CAST: variants seen among roughly 807,000 people sequenced by gnomAD.
CAST encodes calpastatin.
CAST carries 76 observed loss-of-function variants against 119.6 expected under a neutral mutation model. The observed-to-expected ratio is 0.64, with a 90% CI of 0.53 to 0.77. The LOEUF (loss-of-function observed/expected upper bound fraction) is 0.77, where lower values mean the gene tolerates loss of function less well. CAST is among the 30% of genes least tolerant of loss of function. The probability of loss-of-function intolerance (pLI) is 0.00; values close to 1 mark genes in which losing one functional copy is unlikely to be tolerated. For synonymous variants in CAST, 319 were observed against 331.6 expected, an observed-to-expected ratio of 0.96 and a Z score of 0.41; for missense variants, 953 against 946.5, an observed-to-expected ratio of 1.01 and a Z score of -0.09.
the CAST span, among the ~76,000 whole-genome samples, chr5:96,334,264 T>C: frequency 6.6e-5 from 10 of 152,210 alleles, no homozygotes; most frequent in Non-Finnish European, 1.5e-5. Context: ...GATTGCTCAG[T>C]GCAGAAAATT....
At chr5:96,771,966 C>G (rs1263413738) in intron 31 of CAST, 1 of 276,304 alleles carries the variant, frequency 3.6e-6, no homozygotes, top group East Asian at 6.7e-5. Flanking sequence ...CTTAGAATGA[C>G]CATCTGAGGC....
the CAST span, among the ~76,000 whole-genome samples, chr5:96,441,569 G>A: frequency 7.2e-5 from 11 of 152,028 alleles, no homozygotes; most frequent in Non-Finnish European, 1.3e-4. Flanking sequence ...GGGTTTAAGG[G>A]CTCTGGGAAG....
At chr5:96,672,941 A>C (rs1408805645) in intron 1 of CAST, among the ~76,000 whole-genome samples, 1 of 152,282 alleles carries the variant, frequency 6.6e-6, no homozygotes, top group South Asian at 2.1e-4. Flanking sequence ...AAGGCTGTAC[A>C]TGCATTTACT....
At chr5:96,598,702 G>A (rs1747095287) in intron 1 of CAST, among the ~76,000 whole-genome samples, 1 of 152,216 alleles carries the variant, frequency 6.6e-6, no homozygotes, top group Admixed American at 6.5e-5. Context: ...TTCTGGGTGT[G>A]TTTGTGAGGG....
chr5:96,748,227 A>C (rs1764192739), intron 18 of CAST, among the ~76,000 whole-genome samples: 1 of 152,244 alleles, frequency 6.6e-6, no homozygotes, highest in Non-Finnish European at 1.5e-5. Context: ...ATTGTAGAGA[A>C]CAGGCAATTT....
intron 22 of CAST, 33 bp downstream of exon 22, chr5:96,754,774 T>C (rs569865216): frequency 8.2e-7 from 1 of 1,215,234 alleles, no homozygotes; most frequent in South Asian, 1.2e-5. Context: ...CTATTTTATT[T>C]TAATTCATAC....
chr5:96,386,177 T>A, the CAST span, among the ~76,000 whole-genome samples: 1 of 151,960 alleles, frequency 6.6e-6, no homozygotes, highest in Non-Finnish European at 1.5e-5. Flanking sequence ...GCTTTAGAAA[T>A]TTTTTTTTGT....
intron 1 of CAST, among the ~76,000 whole-genome samples, chr5:96,633,083 T>G (rs1175257135): frequency 6.6e-6 from 1 of 152,200 alleles, no homozygotes; most frequent in East Asian, 1.9e-4. Flanking sequence ...GTGATTCTCC[T>G]GCCTCAGCCT....
the CAST span, chr5:96,433,214 G>GC: frequency 3.0e-6 from 2 of 672,698 alleles, no homozygotes; most frequent in Non-Finnish European, 5.3e-6. Context: ...GCGGCGGCGA[G>GC]CGCTCAGTGA....
At chr5:96,215,511 G>A in the CAST span, 1 of 152,038 alleles carries the variant, frequency 6.6e-6, no homozygotes, top group African/African-American at 2.4e-5. Context: ...TAATCTGTTG[G>A]TGTATATTTT....
In CAST at chr5:96,558,627, C is replaced by T. The variant is rs183269020; in HGVS notation, c.60+28747C>T. ...ATCTAGAAGAAATGGATAAATTCCT[C>T]GACACATACACCCTCCCAAGACTAA... is the stretch of plus-strand genomic sequence containing the variant. On this transcript the variant is annotated intron_variant, in intron 1 of 11. Transcript: ENST00000505143. Among the ~76,000 whole-genome samples the T allele has an allele frequency of 3.3e-3, 507 of 152,210 alleles. 2 individuals carry two copies. The highest frequency in any genetic ancestry group is 0.01 in the Middle Eastern group (3 of 294).
the CAST span, among the ~76,000 whole-genome samples, chr5:96,450,165 C>T: frequency 1.0e-3 from 154 of 152,288 alleles, no homozygotes; most frequent in African/African-American, 3.6e-3. Context: ...AAGTGCCCAT[C>T]AAGAGATGAC....
At chr5:96,330,620 C>A in the CAST span, among the ~76,000 whole-genome samples, 1 of 152,108 alleles carries the variant, frequency 6.6e-6, no homozygotes, top group South Asian at 2.1e-4. Flanking sequence ...TTCTAACAAT[C>A]AGCATATGAC....
At chr5:96,249,907 C>T in the CAST span, among the ~76,000 whole-genome samples, 1 of 152,284 alleles carries the variant, frequency 6.6e-6, no homozygotes, top group Non-Finnish European at 1.5e-5. Context: ...ACCCTTCTAG[C>T]GATAGCAACC....
At chr5:96,107,651 T>G in the CAST span, among the ~76,000 whole-genome samples, 1 of 152,204 alleles carries the variant, frequency 6.6e-6, no homozygotes, top group African/African-American at 2.4e-5. Context: ...CTGGCTGCCC[T>G]TAACATTTTT....
the CAST span, among the ~76,000 whole-genome samples, chr5:96,449,583 A>G: frequency 5.6e-3 from 859 of 152,344 alleles, 8 homozygotes; most frequent in Non-Finnish European, 7.9e-3. Flanking sequence ...CCTGAGGTAT[A>G]TAATTGACTA....
the CAST span, among the ~76,000 whole-genome samples, chr5:96,457,838 A>G: frequency 6.6e-6 from 1 of 152,228 alleles, no homozygotes; most frequent in Non-Finnish European, 1.5e-5. Flanking sequence ...CCACATAGGA[A>G]GACAGCTGTC....
the CAST span, among the ~76,000 whole-genome samples, chr5:96,340,466 A>G: frequency 3.3e-5 from 5 of 151,752 alleles, 1 homozygote; most frequent in South Asian, 1.0e-3. Flanking sequence ...TAATTCAGTG[A>G]TCTTGGCTTT....
At chr5:96,140,628 T>A in the CAST span, among the ~76,000 whole-genome samples, 2 of 152,338 alleles carry the variant, frequency 1.3e-5, 1 homozygote, top group Admixed American at 1.3e-4. Context: ...TCTTCAAATT[T>A]CTTACTTATA....
Sources: gnomAD v4.1 joint callset for allele counts (sites outside exome capture counted in the v4.1 genomes callset) on GRCh38, gnomAD v4.1.1 for gene constraint, MANE v1.5 for transcripts, NCBI Gene and HGNC (gene_info 2026-07-23, HGNC 2026-07-21) for gene names.